Variants in BRSK2 observed in about 807,000 individuals in gnomAD.
BRSK2 encodes the protein serine/threonine-protein kinase BRSK2.
BRSK2 carries 19 observed loss-of-function variants against 83.3 expected under a neutral mutation model. The observed-to-expected ratio is 0.23, with a 90% CI of 0.16 to 0.33. BRSK2 has a LOEUF of 0.33. BRSK2 is among the 10% of genes least tolerant of loss of function. The pLI, the probability that BRSK2 is intolerant of heterozygous loss-of-function variation, is 1.00. For synonymous variants in BRSK2, 519 were observed against 435.4 expected (o/e 1.19, Z -2.39); for missense variants, 798 against 1,042.3 (o/e 0.77, Z 3.23).
rs558346233 is a variant in BRSK2 at position 1,440,344 on chromosome 11, T to C, written c.273-444T>C. Among the ~76,000 whole-genome samples the C allele has an allele frequency of 2.0e-5, 3 of 152,178 alleles. No homozygotes were observed. The East Asian group carries it at 5.8e-4, about 30-fold the overall frequency. On this transcript the variant is annotated intron_variant, in intron 3 of 19. Transcript: ENST00000528841. ...GAGGCCCAGACAGTCCCTGGGCCCC[T>C]GGATGCGGCTGCGTGGTCTCCCTGC... is the stretch of plus-strand genomic sequence containing the variant.
intron 1 of BRSK2, among the ~76,000 whole-genome samples, chr11:1,416,736 T>C (rs1251708526): frequency 6.6e-6 from 1 of 152,116 alleles, no homozygotes; most frequent in East Asian, 1.9e-4. Context: ...CGGTTTTGTG[T>C]GTTTCGCAGT....
chr11:1,448,788 G>T (rs1852564261), intron 12 of BRSK2, among the ~76,000 whole-genome samples: 1 of 152,248 alleles, frequency 6.6e-6, no homozygotes, highest in Non-Finnish European at 1.5e-5. Flanking sequence ...TGTGTCTGGT[G>T]AGGGAGTTGG....
intron 1 of BRSK2, among the ~76,000 whole-genome samples, chr11:1,395,600 C>T (rs995896966): frequency 8.0e-4 from 122 of 152,306 alleles, no homozygotes; most frequent in Middle Eastern, 3.4e-3. Context: ...TTGTCCTGTC[C>T]CCACCCACTG....
At chr11:1,437,357 C>T (rs1241925598) in intron 2 of BRSK2, among the ~76,000 whole-genome samples, 1 of 152,214 alleles carries the variant, frequency 6.6e-6, no homozygotes, top group African/African-American at 2.4e-5. Flanking sequence ...TCCACGCTGG[C>T]TCCTGAGGGC....
intron 16 of BRSK2, among the ~76,000 whole-genome samples, chr11:1,455,644 G>GCGTCCC (rs941024334): frequency 7.9e-5 from 12 of 152,092 alleles, no homozygotes; most frequent in East Asian, 2.0e-4. Context: ...GGGGTCCTCA[G>GCGTCCC]CGTCCCCGTC....
chr11:1,438,550 A>G lies in BRSK2; in HGVS notation c.272+159A>G, dbSNP rs942309534. ...TGCTAGCATGAACACCTGCCTGGGT[A>G]GGGTCTCAGCCCAGGCTGCTGTGGT... On this transcript the variant is annotated intron_variant, in intron 3 of 19. Transcript: ENST00000528841. The surrounding 1 kb of genome is among the most constrained non-coding windows in gnomAD (Gnocchi z 6.4). Among the ~76,000 whole-genome samples, 1 of 152,132 alleles carries G rather than the reference A, an allele frequency of 6.6e-6. No individual in the cohort carries two copies. Among genetic ancestry groups the G allele is most frequent in the Non-Finnish European group, 1.5e-5 (1 of 68,008 alleles).
At chr11:1,457,074 G>T (rs1252173745) in intron 18 of BRSK2, 2 of 1,537,500 alleles carry the variant, frequency 1.3e-6, no homozygotes, top group African/African-American at 2.7e-5. Flanking sequence ...CTGTGCTGGG[G>T]CGGGGAGGGG....
intron 18 of BRSK2, chr11:1,456,996 C>T: frequency 6.3e-7 from 1 of 1,597,070 alleles, no homozygotes; most frequent in Non-Finnish European, 8.5e-7. Context: ...GGGTGCTGGG[C>T]TTAAGGGCCA....
In BRSK2 at chr11:1,436,044, G is replaced by T; in HGVS notation, c.96G>T (p.Leu32=). ...EKTLGKGQTG[L]VKLGVHCVTC... ...GCGGCTGCTTCTCTCCCGCAGGTCT[G>T]GTGAAGCTGGGGGTTCACTGCGTCA... The change falls in exon 2 of 20, where the codon CTG becomes CTT. Residue 32 remains leucine (L), a synonymous_variant. Transcript: ENST00000528841. 6.2e-7 allele frequency: 1 copy of T among 1,607,290 alleles called. No individual in the cohort carries two copies. Among genetic ancestry groups the T allele is most frequent in the Non-Finnish European group, 8.5e-7 (1 of 1,177,210 alleles).
intron 1 of BRSK2, among the ~76,000 whole-genome samples, chr11:1,414,678 A>T (rs1847904504): frequency 6.6e-6 from 1 of 152,234 alleles, no homozygotes; most frequent in African/African-American, 2.4e-5. Flanking sequence ...TCACGGTGCT[A>T]CGCGGCCACC....
rs780860881 is a variant in BRSK2, at chr11:1,451,351, T to C, written c.1496-20T>C. The C allele has an allele frequency of 1.2e-5, 20 of 1,612,724 alleles. No homozygotes were observed. The highest frequency in any genetic ancestry group is 2.2e-5 in the East Asian group (1 of 44,896). On this transcript the variant is annotated intron_variant, in intron 14 of 19. Transcript: ENST00000528841. Reference sequence around the variant, plus strand: ...GGAGCGGTCACCACGCCTTTCCTCCTGTTCATCCTGTGTGCACAGTTCCGA... The same window carrying C: ...GGAGCGGTCACCACGCCTTTCCTCCCGTTCATCCTGTGTGCACAGTTCCGA...
rs1244893301 is a variant in BRSK2, at chr11:1,451,397, C to G, written c.1522C>G (p.Leu508Val). Residue 508 changes from leucine (L) to valine (V), a missense_variant, in exon 15 of 20, where the codon CTG becomes GTG. Leu to Val is a conservative substitution (Grantham distance 32). Transcript: ENST00000528841. ...QVPTPEEMSN[L>V]TPESSPELAK... ...TCCGACGCCGGAGGAGATGTCCAAC[C>G]TGACACCAGAGTCGTCCCCAGAGTA... 1 of 1,612,846 alleles carries G rather than the reference C, an allele frequency of 6.2e-7. No homozygotes were observed. The highest frequency in any genetic ancestry group is 1.3e-5 in the African/African-American group (1 of 74,946).
intron 1 of BRSK2, among the ~76,000 whole-genome samples, chr11:1,415,631 C>A (rs1471012549): frequency 6.6e-6 from 1 of 152,220 alleles, no homozygotes; most frequent in Non-Finnish European, 1.5e-5. Flanking sequence ...TAAGGCCCCA[C>A]AGAAAAGGCA....
At chr11:1,460,050 G>T (rs573345623) in intron 19 of BRSK2, among the ~76,000 whole-genome samples, 4 of 151,824 alleles carry the variant, frequency 2.6e-5, no homozygotes, top group Non-Finnish European at 5.9e-5. Context: ...TGTCATCTCC[G>T]GCGTTGGGGT....
At chr11:1,415,864 C>A (rs538609799) in intron 1 of BRSK2, among the ~76,000 whole-genome samples, 1 of 152,286 alleles carries the variant, frequency 6.6e-6, no homozygotes, top group Non-Finnish European at 1.5e-5. Context: ...CGGCCACTGT[C>A]CCCTGGGAGG....
At position 1,440,920 on chromosome 11, in the gene BRSK2, C is replaced by T; in HGVS notation, c.405C>T (p.His135=). The change falls in exon 4 of 20, where the codon CAC becomes CAT. Residue 135 remains histidine (H), a synonymous_variant. Coordinates refer to ENST00000528841, the MANE Select transcript of BRSK2 (RefSeq NM_001256627.2). ...CTGCGCTGGACTTCTGCCACAGCCA[C>T]TCCATATGGTGAGGCCCCACCCCTG... The part of the protein sequence containing the change: ...IISALDFCHS[H]SICHRDLKPE... The T allele has an allele frequency of 6.2e-7, 1 of 1,607,058 alleles. No homozygotes were observed. The highest frequency in any genetic ancestry group is 8.5e-7 in the Non-Finnish European group (1 of 1,178,180).
chr11:1,441,226 A>G (rs1336929673), intron 4 of BRSK2, among the ~76,000 whole-genome samples: 1 of 13,256 alleles, frequency 7.5e-5, no homozygotes. Flanking sequence ...CCCATTAACT[A>G]CCCCTCAAGT....
At chr11:1,459,063 C>A in intron 18 of BRSK2, 129 bp from the exon 19 acceptor site, 1 of 845,890 alleles carries the variant, frequency 1.2e-6, no homozygotes, top group Non-Finnish European at 1.9e-6. Flanking sequence ...GTATTCCCCA[C>A]CCATGCCTCT....
chr11:1,425,304 TG>T lies in BRSK2; in HGVS notation c.92-10730del, dbSNP rs368041258. On this transcript the variant is annotated intron_variant, in intron 1 of 19. Coordinates refer to ENST00000528841, the MANE Select transcript of BRSK2 (RefSeq NM_001256627.2). ...AGGCTGGGCTGGAGGGGCTGCTTCC[TG>T]GGGGGTCCCGCAGGCTGTGTGGGGG... 2.6e-3 allele frequency among the ~76,000 whole-genome samples: 400 copies of T among 152,264 alleles called. 3 individuals are homozygous for T. Among genetic ancestry groups the T allele is most frequent in the African/African-American group, 9.1e-3 (379 of 41,550 alleles).
Sources: gnomAD v4.1 joint callset for allele counts (sites outside exome capture counted in the v4.1 genomes callset) on GRCh38, gnomAD v4.1.1 for gene constraint, Gnocchi (gnomAD v3.1) non-coding constraint, MANE v1.5 for transcripts, NCBI Gene and HGNC (gene_info 2026-07-23, HGNC 2026-07-21) for gene names.